SH3BP4: variants seen among roughly 807,000 people sequenced by gnomAD.
SH3BP4 encodes SH3 domain-binding protein 4.
In SH3BP4, 33 loss-of-function variants were observed where a neutral mutation model predicts 65.5. The ratio of observed to expected loss-of-function variants is 0.50; its 90% CI spans 0.38 to 0.67. The LOEUF is 0.67. Ranked by LOEUF, SH3BP4 falls within the 30% of genes least tolerant of loss-of-function variation. SH3BP4 has a pLI of 0.00. For missense variants in SH3BP4, 1,134 were observed against 1,261.4 expected, an observed-to-expected ratio of 0.90 and a Z score of 1.53; for synonymous variants, 552 against 545.5, an observed-to-expected ratio of 1.01 and a Z score of -0.17.
At position 235,034,748 on chromosome 2, in the gene SH3BP4, T is replaced by C; in HGVS notation, c.-132-123T>C. Reference sequence around the variant, plus strand: ...CTCTGCTCTGTTGGGCCAGGAAAGATGAAATGGGTCTGTCCTCATTAGAAC... The same window carrying C: ...CTCTGCTCTGTTGGGCCAGGAAAGACGAAATGGGTCTGTCCTCATTAGAAC... On this transcript the variant is annotated intron_variant, in intron 2 of 5. Transcript: ENST00000392011. This position sits in a 1 kb window ranked among gnomAD's most constrained non-coding sequence, Gnocchi z 6.2. The C allele has an allele frequency of 1.3e-5, 6 of 460,254 alleles. No homozygotes were observed. In the South Asian group the frequency reaches 1.5e-4, roughly 12 times the overall value. The allele number at this position is 460,254 out of a possible 1,614,324, so 28.5% of individuals were successfully genotyped here. A position where few individuals can be genotyped will look rare whatever the true frequency, so the allele number is the denominator to read the frequency against.
intron 2 of SH3BP4, among the ~76,000 whole-genome samples, chr2:235,021,226 C>T (rs931545419): frequency 1.3e-5 from 2 of 152,168 alleles, no homozygotes. Flanking sequence ...AAAGATGTCA[C>T]TTCTTGTAAA....
intron 2 of SH3BP4, among the ~76,000 whole-genome samples, chr2:235,009,124 C>T (rs1308129849): frequency 6.6e-6 from 1 of 152,170 alleles, no homozygotes; most frequent in Admixed American, 6.5e-5. Flanking sequence ...GAGATGGTTC[C>T]GGGTAGAATA....
chr2:235,000,607 C>T (rs564427174), intron 2 of SH3BP4, among the ~76,000 whole-genome samples: 25 of 152,306 alleles, frequency 1.6e-4, no homozygotes, highest in African/African-American at 5.8e-4. Context: ...GACGTCAAGC[C>T]GCGATGTTCA....
chr2:234,993,155 G>C (rs1009588157), intron 1 of SH3BP4, among the ~76,000 whole-genome samples: 2 of 152,248 alleles, frequency 1.3e-5, no homozygotes, highest in African/African-American at 4.8e-5. Context: ...CCCCGGCAGA[G>C]TGAGGAGGCT....
At position 234,997,238 on chromosome 2, in the gene SH3BP4, A is replaced by G. The variant is rs1693952559; in HGVS notation, c.-133+1862A>G. Among the ~76,000 whole-genome samples, 1 of 152,194 alleles carries G rather than the reference A, an allele frequency of 6.6e-6. No homozygotes were observed. The highest frequency in any genetic ancestry group is 1.5e-5 in the Non-Finnish European group (1 of 68,034). ...GATTTTCGTTTTGCCTTGTTTTCCCAGAGGCATACATGTAGTGTTTTCTTG... is the reference window on the plus strand; with the variant it reads ...GATTTTCGTTTTGCCTTGTTTTCCCGGAGGCATACATGTAGTGTTTTCTTG... On this transcript the variant is annotated intron_variant, in intron 2 of 5. Coordinates refer to ENST00000392011, the MANE Select transcript of SH3BP4 (RefSeq NM_014521.3). The surrounding 1 kb of genome is among the most constrained non-coding windows in gnomAD (Gnocchi z 4.2).
chr2:234,993,690 A>G (rs549738109), intron 1 of SH3BP4, among the ~76,000 whole-genome samples: 2 of 152,298 alleles, frequency 1.3e-5, no homozygotes, highest in South Asian at 2.1e-4. Context: ...GAGATTTTCA[A>G]CTGTTCTGTC....
chr2:234,963,846 G>A (rs981426409), intron 1 of SH3BP4, among the ~76,000 whole-genome samples: 4 of 152,196 alleles, frequency 2.6e-5, no homozygotes, highest in African/African-American at 4.8e-5. Context: ...ACTGCAGTTG[G>A]ATCTGGCATC....
At chr2:234,958,414 G>C (rs1378279263) in intron 1 of SH3BP4, among the ~76,000 whole-genome samples, 3 of 152,096 alleles carry the variant, frequency 2.0e-5, no homozygotes, top group East Asian at 1.9e-4. Flanking sequence ...ATTCAAGGAG[G>C]TGCTCGCCCT....
Position 235,046,602 on chromosome 2 carries a change from G to A in SH3BP4, c.2478+3355G>A, listed in dbSNP as rs757925703. On this transcript the variant is annotated intron_variant, in intron 4 of 5. Coordinates refer to ENST00000392011, the MANE Select transcript of SH3BP4 (RefSeq NM_014521.3). The surrounding 1 kb of genome is among the most constrained non-coding windows in gnomAD (Gnocchi z 4.2). ...TAAAGGAAGAGAAGAAAAGAAACAA[G>A]TTTGTTTATGTTCTTGTGCACTTGT... Among the ~76,000 whole-genome samples, 7 of 152,068 alleles carry A rather than the reference G, an allele frequency of 4.6e-5. No homozygotes were observed. The highest frequency in any genetic ancestry group is 7.2e-5 in the African/African-American group (3 of 41,394).
chr2:235,036,602 A>C (rs1368849641), intron 3 of SH3BP4, among the ~76,000 whole-genome samples: 1 of 152,032 alleles, frequency 6.6e-6, no homozygotes, highest in Non-Finnish European at 1.5e-5. Context: ...AAAAATACAA[A>C]AAATTAGCCA....
At chr2:234,957,239 G>T (rs1223485647) in intron 1 of SH3BP4, among the ~76,000 whole-genome samples, 1 of 152,052 alleles carries the variant, frequency 6.6e-6, no homozygotes, top group African/African-American at 2.4e-5. Context: ...GGCTGGTCTT[G>T]AACTCCTGAC....
intron 3 of SH3BP4, among the ~76,000 whole-genome samples, chr2:235,038,157 AAC>A (rs907323663): frequency 7.0e-6 from 1 of 143,624 alleles, no homozygotes; most frequent in African/African-American, 2.6e-5. Flanking sequence ...CTGCAAAAGA[AAC>A]ACACATACAC....
chr2:235,038,282 T>TATA, intron 3 of SH3BP4, among the ~76,000 whole-genome samples: 1 of 18,726 alleles, frequency 5.3e-5, no homozygotes, highest in South Asian at 2.7e-3. Flanking sequence ...TAATATATAT[T>TATA]ATATATAATA....
At chr2:235,005,007 T>C (rs1291806678) in intron 2 of SH3BP4, among the ~76,000 whole-genome samples, 4 of 152,228 alleles carry the variant, frequency 2.6e-5, no homozygotes, top group African/African-American at 9.6e-5. Flanking sequence ...ACTGTTGGCA[T>C]GGACCAGCAA....
In SH3BP4 at chr2:235,052,664, G is replaced by T. The variant is rs1333528019; in HGVS notation, c.2581G>T (p.Ala861Ser). 2.9e-5 allele frequency: 46 copies of T among 1,596,004 alleles called. No homozygotes were observed. The highest frequency in any genetic ancestry group is 3.8e-5 in the Non-Finnish European group (44 of 1,172,044). Residue 861 changes from alanine to serine, a missense_variant, in exon 5 of 6, where the codon GCT becomes TCT. Transcript: ENST00000392011. The surrounding 1 kb of genome is among the most constrained non-coding windows in gnomAD (Gnocchi z 5.0). The stretch of plus-strand genomic sequence containing the variant: ...GGTGGCCCAGCGCTGGCGGGAGCTG[G>T]CTGAGAAGCTGGCCAAGGTCTCCAA... ...VEVAQRWREL[A>S]EKLAKVSKQQ... is the part of the protein sequence containing the mutation.
chr2:235,039,790 G>A (rs1695578163), intron 3 of SH3BP4, among the ~76,000 whole-genome samples: 1 of 152,204 alleles, frequency 6.6e-6, no homozygotes, highest in African/African-American at 2.4e-5. Context: ...CAGGAGCCAT[G>A]AATTAACTTG....
Position 235,010,364 on chromosome 2 carries a change from C to T in SH3BP4, c.-133+14988C>T, listed in dbSNP as rs547555043. Among the ~76,000 whole-genome samples the T allele has an allele frequency of 3.3e-5, 5 of 152,318 alleles. No homozygotes were observed. In the East Asian group the frequency reaches 5.8e-4, roughly 18 times the overall value. On this transcript the variant is annotated intron_variant, in intron 2 of 5. Coordinates refer to ENST00000392011, the MANE Select transcript of SH3BP4 (RefSeq NM_014521.3). ...ATGGGGAGGCCCGCAGGGCAAGATG[C>T]ACACAGTAGGCCCCAGAACTACTCG...
chr2:234,976,344 T>G lies in SH3BP4; in HGVS notation c.-206-18959T>G, dbSNP rs1483623258. Reference sequence around the variant, plus strand: ...GCTGTCACCTTTATTTATTTATTCATTCAGTCACTTAGATTTTAAACTTGT... The same window carrying G: ...GCTGTCACCTTTATTTATTTATTCAGTCAGTCACTTAGATTTTAAACTTGT... On this transcript the variant is annotated intron_variant, in intron 1 of 5. Transcript: ENST00000392011. This position sits in a 1 kb window ranked among gnomAD's most constrained non-coding sequence, Gnocchi z 4.7. Among the ~76,000 whole-genome samples the G allele has an allele frequency of 6.6e-6, 1 of 152,210 alleles. No individual in the cohort carries two copies. Among genetic ancestry groups the G allele is most frequent in the Non-Finnish European group, 1.5e-5 (1 of 68,028 alleles).
At position 235,041,569 on chromosome 2, in the gene SH3BP4, C is replaced by A; in HGVS notation, c.800C>A (p.Thr267Asn). 1 of 1,614,116 alleles carries A rather than the reference C, an allele frequency of 6.2e-7. No homozygotes were observed. ...SDAPTSSSFF[T>N]GLKSPAPEQF... ...GCTCCCACATCGTCGAGTTTCTTCA[C>A]CGGCTTGAAATCACCTGCCCCCGAG... is the stretch of plus-strand genomic sequence containing the variant. Residue 267 changes from threonine (T) to asparagine (N), a missense_variant, in exon 4 of 6, where the codon ACC (threonine) becomes AAC (asparagine). By Grantham distance (65) the Thr-to-Asn change is moderately conservative. Transcript: ENST00000392011. This position sits in a 1 kb window ranked among gnomAD's most constrained non-coding sequence, Gnocchi z 6.0.
Sources: allele counts gnomAD v4.1 joint callset (sites outside exome capture counted in the v4.1 genomes callset), GRCh38; gene constraint gnomAD v4.1.1; non-coding constraint Gnocchi (gnomAD v3.1); transcripts MANE v1.5; gene names NCBI Gene and HGNC (gene_info 2026-07-23, HGNC 2026-07-21).